STAG1: variants seen among roughly 807,000 people sequenced by gnomAD.
STAG1 encodes the protein STAG1 cohesin complex component.
Under a neutral mutation model 170.9 loss-of-function variants are expected in STAG1, and 26 were observed. That is an observed-to-expected ratio of 0.15 (90% confidence interval 0.11 to 0.21). The LOEUF is 0.21. Among genes scored for constraint, STAG1 ranks in the 10% least tolerant of loss-of-function variants. The probability of loss-of-function intolerance (pLI) is 1.00; values close to 1 mark genes in which losing one functional copy is unlikely to be tolerated. For missense variants in STAG1, 964 were observed against 1,509.5 expected (o/e 0.64, Z 5.99); for synonymous variants, 514 against 497.7 (o/e 1.03, Z -0.44).
At chr3:136,486,028 T>C (rs2090004270) in intron 9 of STAG1, among the ~76,000 whole-genome samples, 1 of 152,234 alleles carries the variant, frequency 6.6e-6, no homozygotes, top group Admixed American at 6.5e-5. Context: ...GCAGTGTTTT[T>C]AAAATACTGC....
intron 1 of STAG1, among the ~76,000 whole-genome samples, chr3:136,638,885 G>C (rs1349381348): frequency 6.6e-6 from 1 of 152,148 alleles, no homozygotes; most frequent in Non-Finnish European, 1.5e-5. Flanking sequence ...CTGGGCAACA[G>C]AGGGAGACTC....
At chr3:136,664,296 G>A (rs1941680936) in intron 1 of STAG1, among the ~76,000 whole-genome samples, 1 of 152,134 alleles carries the variant, frequency 6.6e-6, no homozygotes, top group African/African-American at 2.4e-5. Flanking sequence ...AATGTAAAAT[G>A]TATTTTGAAC....
intron 12 of STAG1, among the ~76,000 whole-genome samples, chr3:136,471,213 T>C (rs527354922): frequency 2.6e-5 from 4 of 151,928 alleles, no homozygotes; most frequent in South Asian, 2.1e-4. Flanking sequence ...ATGAGAAACA[T>C]AGTAAGAATA....
At chr3:136,580,521 CTTTTTTTTTTT>C (rs760635116) in intron 4 of STAG1, among the ~76,000 whole-genome samples, 83 of 100,354 alleles carry the variant, frequency 8.3e-4, no homozygotes, top group Non-Finnish European at 1.1e-3. Context: ...TTGTATAATT[CTTTTTTTTTTT>C]TTTTTTTTTT....
chr3:136,372,298 G>C (rs1019794615), intron 23 of STAG1, among the ~76,000 whole-genome samples: 4 of 152,142 alleles, frequency 2.6e-5, no homozygotes, highest in Admixed American at 1.3e-4. Flanking sequence ...CTGCAAACAG[G>C]GACAATTTGA....
intron 13 of STAG1, among the ~76,000 whole-genome samples, chr3:136,463,761 G>GTT (rs1309003742): frequency 8.2e-5 from 7 of 85,408 alleles, no homozygotes; most frequent in Non-Finnish European, 1.5e-4. Flanking sequence ...GTGTGTGTGT[G>GTT]TGTGTGTATA....
intron 1 of STAG1, among the ~76,000 whole-genome samples, chr3:136,735,166 G>C (rs1408900319): frequency 2.0e-5 from 3 of 151,278 alleles, no homozygotes; most frequent in African/African-American, 7.3e-5. Flanking sequence ...TGCCCAGGCT[G>C]GAGTGCAGTG....
intron 9 of STAG1, among the ~76,000 whole-genome samples, chr3:136,484,895 T>C (rs1422684814): frequency 2.0e-5 from 3 of 151,950 alleles, no homozygotes; most frequent in African/African-American, 7.2e-5. Flanking sequence ...CCCTGACCCT[T>C]GCGCTTCCCA....
At chr3:136,590,503 A>G (rs1175967610) in intron 4 of STAG1, among the ~76,000 whole-genome samples, 2 of 143,992 alleles carry the variant, frequency 1.4e-5, no homozygotes, top group East Asian at 4.0e-4. Flanking sequence ...AAAAAAAAAG[A>G]AAAAAAAAAA....
intron 21 of STAG1, 65 bp downstream of exon 21, chr3:136,417,820 A>T: frequency 8.3e-7 from 1 of 1,201,866 alleles, no homozygotes; most frequent in South Asian, 1.2e-5. Context: ...GGCTTCTGAT[A>T]ATCATATGAC....
At position 136,623,387 on chromosome 3, in the gene STAG1, T is replaced by A. The variant is rs73863637; in HGVS notation, c.30-139A>T. The A allele has an allele frequency of 1.3e-3, 783 of 590,050 alleles. 8 individuals are homozygous for A. In the African/African-American group the frequency reaches 0.014, roughly 11 times the overall value. 36.6% of individuals were successfully genotyped at this position (590,050 alleles called of 1,614,324 possible). A position where few individuals can be genotyped will look rare whatever the true frequency, so the allele number is the denominator to read the frequency against. On this transcript the variant is annotated intron_variant, in intron 2 of 33. Coordinates refer to ENST00000383202, the MANE Select transcript of STAG1 (RefSeq NM_005862.3). ...CTTTCAGAGAAACTCTCTAGCAAACTAAAAATGTTATCCTCCCTTCCTAAT... is the reference window on the plus strand; with the variant it reads ...CTTTCAGAGAAACTCTCTAGCAAACAAAAAATGTTATCCTCCCTTCCTAAT...
At chr3:136,720,176 CA>C (rs59409389) in intron 1 of STAG1, among the ~76,000 whole-genome samples, 10,454 of 61,200 alleles carry the variant, frequency 0.17, 303 homozygotes, top group Non-Finnish European at 0.19. Flanking sequence ...AATTCCGTCT[CA>C]AAAAAAAAAA....
At chr3:136,495,016 T>A (rs774572396) in intron 9 of STAG1, among the ~76,000 whole-genome samples, 3 of 152,138 alleles carry the variant, frequency 2.0e-5, no homozygotes, top group Non-Finnish European at 4.4e-5. Flanking sequence ...AGTCAAAAAA[T>A]TTTTGAAAAC....
intron 5 of STAG1, among the ~76,000 whole-genome samples, chr3:136,557,952 G>A (rs1414957312): frequency 6.6e-6 from 1 of 152,048 alleles, no homozygotes; most frequent in Non-Finnish European, 1.5e-5. Context: ...ATAATTATAG[G>A]TGCTAGAGAT....
chr3:136,403,224 T>TAAA (rs55678408), intron 21 of STAG1, among the ~76,000 whole-genome samples: 64 of 33,592 alleles, frequency 1.9e-3, no homozygotes, highest in African/African-American at 4.7e-3. Flanking sequence ...GAGACTGTCT[T>TAAA]AAAAAAAAAA....
intron 4 of STAG1, among the ~76,000 whole-genome samples, chr3:136,570,576 C>T (rs902675107): frequency 6.6e-6 from 1 of 152,214 alleles, no homozygotes. Flanking sequence ...ACGTTACACA[C>T]ACGCATCAAG....
At chr3:136,351,527 G>A (rs1307462431) in intron 28 of STAG1, among the ~76,000 whole-genome samples, 1 of 152,156 alleles carries the variant, frequency 6.6e-6, no homozygotes, top group Non-Finnish European at 1.5e-5. Context: ...AGGCAGACTT[G>A]AAAGCATTCC....
intron 8 of STAG1, among the ~76,000 whole-genome samples, chr3:136,502,052 ATGCC>A (rs1200586269): frequency 1.3e-5 from 2 of 151,930 alleles, no homozygotes; most frequent in African/African-American, 4.8e-5. Context: ...GTGGTGGCAC[ATGCC>A]TGTACTCCCA....
intron 7 of STAG1, among the ~76,000 whole-genome samples, chr3:136,512,096 T>TAAAC (rs1934093463): frequency 1.5e-5 from 1 of 68,316 alleles, no homozygotes; most frequent in Non-Finnish European, 2.6e-5. Flanking sequence ...CTCTACAAAA[T>TAAAC]AAAAAAAAAA....
Sources: gnomAD v4.1 joint callset for allele counts (sites outside exome capture counted in the v4.1 genomes callset) on GRCh38, gnomAD v4.1.1 for gene constraint, MANE v1.5 for transcripts, NCBI Gene and HGNC (gene_info 2026-07-23, HGNC 2026-07-21) for gene names.